Variants in CORIN observed in about 807,000 individuals in gnomAD.
The protein encoded by CORIN is atrial natriuretic peptide-converting enzyme.
A neutral mutation model predicts 125.3 loss-of-function variants in CORIN; 117 were observed. The observed-to-expected ratio is 0.93, with a 90% CI of 0.80 to 1.09. The LOEUF (loss-of-function observed/expected upper bound fraction) is 1.09, where lower values mean the gene tolerates loss of function less well. Among genes scored for constraint, CORIN ranks in the 50% least tolerant of loss-of-function variants. The probability of loss-of-function intolerance (pLI) is 0.00; values close to 1 mark genes in which losing one functional copy is unlikely to be tolerated. For missense variants in CORIN, 1,253 were observed against 1,306.7 expected (o/e 0.96, Z 0.63); for synonymous variants, 450 against 466.4 (o/e 0.96, Z 0.45).
At chr4:47,696,775 T>A (rs1726027731) in intron 5 of CORIN, among the ~76,000 whole-genome samples, 1 of 152,124 alleles carries the variant, frequency 6.6e-6, no homozygotes, top group Admixed American at 6.5e-5. Flanking sequence ...AAAATAATAA[T>A]CCCTAGCCTG....
At chr4:47,805,897 CT>C (rs1731772634) in intron 2 of CORIN, among the ~76,000 whole-genome samples, 1 of 152,136 alleles carries the variant, frequency 6.6e-6, no homozygotes, top group African/African-American at 2.4e-5. Context: ...ATTTATTTCT[CT>C]GTTTTATTTG....
intron 16 of CORIN, among the ~76,000 whole-genome samples, chr4:47,632,818 C>T (rs550296504): frequency 9.3e-5 from 14 of 150,266 alleles, no homozygotes; most frequent in Admixed American, 2.0e-4. Flanking sequence ...CTCACTCTGT[C>T]GCCCAGGCTG....
intron 1 of CORIN, among the ~76,000 whole-genome samples, chr4:47,809,345 A>T (rs1161519923): frequency 6.6e-6 from 1 of 151,948 alleles, no homozygotes; most frequent in African/African-American, 2.4e-5. Flanking sequence ...CTCCAAAAAC[A>T]ATATTCATGA....
At chr4:47,615,258 T>C (rs1319362635) in intron 19 of CORIN, among the ~76,000 whole-genome samples, 2 of 152,188 alleles carry the variant, frequency 1.3e-5, no homozygotes, top group South Asian at 2.1e-4. Flanking sequence ...GATTTTATTC[T>C]TGTTATAATG....
chr4:47,746,205 A>G (rs919373884), intron 4 of CORIN, among the ~76,000 whole-genome samples: 6 of 152,214 alleles, frequency 3.9e-5, no homozygotes, highest in Admixed American at 2.0e-4. Flanking sequence ...TACTTTCTCA[A>G]ATAAAACTAG....
chr4:47,817,018 A>G lies in CORIN; in HGVS notation c.64-9971T>C, dbSNP rs1251322866. Among the ~76,000 whole-genome samples, 3 of 152,226 alleles carry G rather than the reference A, an allele frequency of 2.0e-5. No homozygotes were observed. In the East Asian group the frequency reaches 5.8e-4, roughly 29 times the overall value. ...GCTTGACTCTCTGGATACAAGGCAC[A>G]GCCCTAAGTAAGCAAACTGTTACCC... On this transcript the variant is annotated intron_variant, in intron 1 of 21. Transcript: ENST00000273857.
chr4:47,691,557 T>C (rs1725771388), intron 6 of CORIN, among the ~76,000 whole-genome samples: 1 of 152,044 alleles, frequency 6.6e-6, no homozygotes, highest in African/African-American at 2.4e-5. Context: ...GTAGGCAGAA[T>C]AAAAAATGCA....
intron 21 of CORIN, 150 bp downstream of exon 21, chr4:47,600,064 G>A: frequency 3.2e-6 from 2 of 630,634 alleles, no homozygotes; most frequent in African/African-American, 1.8e-5. Context: ...TGTACCAGCT[G>A]CAGGAAAATG....
intron 19 of CORIN, among the ~76,000 whole-genome samples, chr4:47,604,120 G>A (rs6847217): frequency 0.54 from 82,451 of 152,036 alleles, 23,200 homozygotes; most frequent in East Asian, 0.75. Flanking sequence ...GGTCACCCAC[G>A]ACCTCCAATG....
chr4:47,701,260 C>A (rs61761825), intron 5 of CORIN, among the ~76,000 whole-genome samples: 478 of 152,276 alleles, frequency 3.1e-3, no homozygotes, highest in Non-Finnish European at 5.4e-3. Flanking sequence ...ATTTATATAT[C>A]TTTTAATTAG....
At chr4:47,695,645 A>G (rs1279669161) in intron 5 of CORIN, among the ~76,000 whole-genome samples, 1 of 152,174 alleles carries the variant, frequency 6.6e-6, no homozygotes, top group African/African-American at 2.4e-5. Flanking sequence ...GGTATCATAA[A>G]TTGTTACTGT....
chr4:47,821,853 C>CTA (rs1451404816), intron 1 of CORIN, among the ~76,000 whole-genome samples: 1 of 152,148 alleles, frequency 6.6e-6, no homozygotes, highest in Non-Finnish European at 1.5e-5. Context: ...ACAGACTAAA[C>CTA]TAATTTAAAA....
At chr4:47,762,797 G>T in intron 4 of CORIN, among the ~76,000 whole-genome samples, 1 of 152,140 alleles carries the variant, frequency 6.6e-6, no homozygotes, top group East Asian at 1.9e-4. Context: ...TGGGAGGGTG[G>T]GAGGTGAGTG....
rs1476142200 is a variant in CORIN, at chr4:47,642,322, C to T, written c.2069-273G>A. Among the ~76,000 whole-genome samples the T allele has an allele frequency of 2.6e-5, 4 of 152,168 alleles. No individual in the cohort carries two copies. The East Asian group carries it at 7.7e-4, about 29-fold the overall frequency. On this transcript the variant is annotated intron_variant, in intron 15 of 21. Coordinates refer to ENST00000273857, the MANE Select transcript of CORIN (RefSeq NM_006587.4). Reference sequence around the variant, plus strand: ...TAACTTTTCTTAATGAGTTAGAAGACAGCCAGAGCCAGGCCTCATCCCATG... The same window carrying T: ...TAACTTTTCTTAATGAGTTAGAAGATAGCCAGAGCCAGGCCTCATCCCATG...
At chr4:47,604,610 T>C (rs1305368920) in intron 19 of CORIN, among the ~76,000 whole-genome samples, 1 of 152,184 alleles carries the variant, frequency 6.6e-6, no homozygotes, top group Non-Finnish European at 1.5e-5. Flanking sequence ...AATCTTCTCT[T>C]TTTCTTACAC....
chr4:47,712,931 T>C (rs966835386), intron 5 of CORIN, among the ~76,000 whole-genome samples: 17 of 152,150 alleles, frequency 1.1e-4, no homozygotes, highest in African/African-American at 3.9e-4. Flanking sequence ...TGATTCATTC[T>C]GGAGATCACT....
At chr4:47,828,066 T>C (rs1177025933) in intron 1 of CORIN, among the ~76,000 whole-genome samples, 1 of 152,170 alleles carries the variant, frequency 6.6e-6, no homozygotes, top group Non-Finnish European at 1.5e-5. Context: ...TAAGAAGAAT[T>C]AGCAAATGCC....
chr4:47,678,958 G>A lies in CORIN; in HGVS notation c.1133-904C>T, dbSNP rs191438366. Among the ~76,000 whole-genome samples, 185 of 152,260 alleles carry A rather than the reference G, an allele frequency of 1.2e-3. 1 individual carries two copies. The highest frequency in any genetic ancestry group is 4.1e-3 in the African/African-American group (170 of 41,554). On this transcript the variant is annotated intron_variant, in intron 8 of 21. Transcript: ENST00000273857. ...CCATTTCAGGGAAGAGGAGAGCTAC[G>A]CATTGTGACTTTTTATATGACTTTT... is the stretch of plus-strand genomic sequence containing the variant.
intron 5 of CORIN, among the ~76,000 whole-genome samples, chr4:47,731,464 C>T (rs1173252070): frequency 1.3e-5 from 2 of 152,062 alleles, no homozygotes; most frequent in African/African-American, 4.8e-5. Context: ...CCAGTGTCTA[C>T]AGGTGAAATG....
Sources: gnomAD v4.1 joint callset for allele counts (sites outside exome capture counted in the v4.1 genomes callset) on GRCh38, gnomAD v4.1.1 for gene constraint, MANE v1.5 for transcripts, NCBI Gene and HGNC (gene_info 2026-07-23, HGNC 2026-07-21) for gene names.